Variants in A2M observed in about 807,000 individuals in gnomAD.
A2M encodes the protein alpha-2-macroglobulin, also known as C3 and PZP-like alpha-2-macroglobulin domain-containing protein 5.
A2M carries 128 observed loss-of-function variants against 183.9 expected under a neutral mutation model. That is an observed-to-expected ratio of 0.70 (90% CI 0.60 to 0.81). A2M has a LOEUF of 0.81. Ranked by LOEUF, A2M falls within the 30% of genes least tolerant of loss-of-function variation. The pLI, the probability that A2M is intolerant of heterozygous loss-of-function variation, is 0.00. For missense variants in A2M, 1,495 were observed against 1,787.6 expected (o/e 0.84, Z 2.95); for synonymous variants, 592 against 670.8 (o/e 0.88, Z 1.81).
At chr12:9,068,692 C>T in intron 34 of A2M, 48 bp downstream of exon 34, 1 of 1,424,438 alleles carries the variant, frequency 7.0e-7, no homozygotes. Context: ...ACCTGAATTT[C>T]TGTGATCAGG....
At position 9,099,402 on chromosome 12, in the gene A2M, AACATC is replaced by A. The variant is rs763414569; in HGVS notation, c.1675_1679del (p.Asp559Ter). On this transcript the variant is annotated frameshift_variant, in exon 14 of 36. Coordinates refer to ENST00000318602, the MANE Select transcript of A2M (RefSeq NM_000014.6). LOFTEE classifies it high-confidence loss of function. ...ACACCTTGTTGGCCAGACAATTTTCAACATCATATTTTGCAGAATCCCCAATCACG... is the reference window on the plus strand; with the variant it reads ...ACACCTTGTTGGCCAGACAATTTTCAATATTTTGCAGAATCCCCAATCACG... 1 of 1,562,592 alleles carries A rather than the reference AACATC, an allele frequency of 6.4e-7. No homozygotes were observed. Among genetic ancestry groups the A allele is most frequent in the South Asian group, 1.2e-5 (1 of 84,616 alleles).
intron 7 of A2M, among the ~76,000 whole-genome samples, chr12:9,108,721 C>T (rs1938495933): frequency 6.6e-6 from 1 of 152,044 alleles, no homozygotes; most frequent in Admixed American, 6.5e-5. Flanking sequence ...ATCCAGGAAA[C>T]AAGACTTTTC....
rs1451989399 is a variant in A2M, at chr12:9,077,734, C to T, written c.3243G>A (p.Arg1081=). 5.6e-6 allele frequency: 9 copies of T among 1,614,148 alleles called. No homozygotes were observed. Among genetic ancestry groups the T allele is most frequent in the South Asian group, 5.5e-5 (5 of 91,080 alleles). The change falls in exon 26 of 36, where the codon AGG becomes AGA. Residue 1081 remains arginine, a synonymous_variant. Coordinates refer to ENST00000318602, the MANE Select transcript of A2M (RefSeq NM_000014.6). The stretch of plus-strand genomic sequence containing the variant: ...CATTGTTGAGCAGTGACCCAGAGCT[C>T]CTGAAACAGCCATTGTCCTTCTGCC... The part of the protein sequence containing the change: ...SQRQKDNGCF[R]SSGSLLNNAI...
At chr12:9,077,257 C>G in intron 27 of A2M, 89 bp downstream of exon 27, 2 of 1,241,214 alleles carry the variant, frequency 1.6e-6, no homozygotes, top group South Asian at 2.8e-5. Flanking sequence ...TGATGCTTTG[C>G]TTTTAATAGG....
intron 29 of A2M, among the ~76,000 whole-genome samples, chr12:9,074,159 G>C (rs966202780): frequency 6.6e-6 from 1 of 152,058 alleles, no homozygotes. Flanking sequence ...CCTATTAAAG[G>C]GGACCTAAGA....
At chr12:9,107,758 C>T in intron 7 of A2M, 114 bp from the exon 8 acceptor site, 1 of 1,249,038 alleles carries the variant, frequency 8.0e-7, no homozygotes, top group Admixed American at 2.0e-5. Flanking sequence ...CTTCCCTCTG[C>T]TCTCTGCTGG....
At chr12:9,077,632 A>G in intron 26 of A2M, 69 bp downstream of exon 26, 5 of 1,572,824 alleles carry the variant, frequency 3.2e-6, no homozygotes, top group Non-Finnish European at 4.3e-6. Context: ...TTTTCACATT[A>G]TCACTTCCTA....
At chr12:9,097,821 C>T (rs757444467) in intron 15 of A2M, among the ~76,000 whole-genome samples, 3 of 152,000 alleles carry the variant, frequency 2.0e-5, no homozygotes, top group African/African-American at 4.8e-5. Context: ...TTAGTAGATA[C>T]GGGGTTTCAT....
intron 2 of A2M, 53 bp from the exon 3 acceptor site, chr12:9,112,589 C>G: frequency 6.2e-7 from 1 of 1,600,688 alleles, no homozygotes; most frequent in East Asian, 2.2e-5. Context: ...AGGTCTCCTC[C>G]CCTATTTGCT....
At position 9,079,685 on chromosome 12, in the gene A2M, C is replaced by T; in HGVS notation, c.2985G>A (p.Gln995=). 6.2e-7 allele frequency: 1 copy of T among 1,613,706 alleles called. No individual in the cohort carries two copies. Among genetic ancestry groups the T allele is most frequent in the Non-Finnish European group, 8.5e-7 (1 of 1,179,744 alleles). The change falls in exon 24 of 36, where the codon CAG becomes CAA. Residue 995 remains glutamine, a synonymous_variant. Transcript: ENST00000318602. ...CCTTGGACTTGATCTCTGGAGTAAG[C>T]TGCTGTGTTTCATTTAGATAATCCA... ...YVLDYLNETQ[Q]LTPEIKSKAI...
chr12:9,105,034 A>G (rs1938180039), intron 10 of A2M, among the ~76,000 whole-genome samples: 1 of 152,210 alleles, frequency 6.6e-6, no homozygotes, highest in Non-Finnish European at 1.5e-5. Context: ...TGTGAAAAAT[A>G]TAAAATTGAA....
intron 18 of A2M, among the ~76,000 whole-genome samples, chr12:9,092,591 A>G (rs1949247093): frequency 6.6e-6 from 1 of 152,144 alleles, no homozygotes; most frequent in Non-Finnish European, 1.5e-5. Flanking sequence ...CACCTGCCCC[A>G]CTGGCTTGTT....
At chr12:9,080,223 A>G (rs772157041) in intron 22 of A2M, 46 bp from the exon 23 acceptor site, 2 of 1,330,542 alleles carry the variant, frequency 1.5e-6, no homozygotes, top group Admixed American at 2.0e-5. Context: ...TTTCTGCATT[A>G]TATCTTTCTA....
At chr12:9,110,456 T>G (rs199660464) in intron 4 of A2M, 122 bp from the exon 5 acceptor site, 5 of 532,854 alleles carry the variant, frequency 9.4e-6, no homozygotes. Context: ...AATAATTTAA[T>G]TGTACATTTA....
chr12:9,110,273 T>C, intron 5 of A2M, 41 bp downstream of exon 5: 1 of 1,411,988 alleles, frequency 7.1e-7, no homozygotes, highest in Non-Finnish European at 9.7e-7. Context: ...TCCCTATATG[T>C]ATTGCTTTCC....
At position 9,105,572 on chromosome 12, in the gene A2M, G is replaced by C. The variant is rs1038257585; in HGVS notation, c.1104+664C>G. Among the ~76,000 whole-genome samples the C allele has an allele frequency of 6.3e-4, 96 of 152,114 alleles. 1 individual carries two copies. Among genetic ancestry groups the C allele is most frequent in the Admixed American group, 3.9e-4 (6 of 15,274 alleles). ...TGAGGCACATGTAACTGTGATCTCA[G>C]ACTTCTAGAGTCATAAAGATCCATT... On this transcript the variant is annotated intron_variant, in intron 10 of 35. Coordinates refer to ENST00000318602, the MANE Select transcript of A2M (RefSeq NM_000014.6).
chr12:9,090,113 A>G, intron 20 of A2M, 90 bp from the exon 21 acceptor site: 1 of 1,528,350 alleles, frequency 6.5e-7, no homozygotes, highest in Non-Finnish European at 8.8e-7. Context: ...ATGCTCTGTA[A>G]ACTTTTGTTT....
chr12:9,112,066 T>C, intron 4 of A2M, 93 bp downstream of exon 4: 3 of 1,181,896 alleles, frequency 2.5e-6, no homozygotes, highest in Non-Finnish European at 3.8e-6. Context: ...TGATACCAGA[T>C]TCTTCCTCTC....
At chr12:9,097,461 A>G (rs1949416097) in intron 15 of A2M, among the ~76,000 whole-genome samples, 1 of 152,160 alleles carries the variant, frequency 6.6e-6, no homozygotes, top group African/African-American at 2.4e-5. Flanking sequence ...CCAATTCAGC[A>G]TATCCTTTTG....
Sources: gnomAD v4.1 joint callset for allele counts (sites outside exome capture counted in the v4.1 genomes callset) on GRCh38, gnomAD v4.1.1 for gene constraint, MANE v1.5 for transcripts, NCBI Gene and HGNC (gene_info 2026-07-23, HGNC 2026-07-21) for gene names.